The following CDH9 variants were observed in gnomAD, a reference collection of about 807,000 sequenced individuals.
The protein encoded by CDH9 is cadherin 9, also known as cadherin-9.
CDH9 carries 28 observed loss-of-function variants against 70.9 expected under a neutral mutation model. That is an observed-to-expected ratio of 0.40 (90% CI 0.29 to 0.54). CDH9 has a LOEUF of 0.54. CDH9 is among the 20% of genes least tolerant of loss of function. CDH9 has a pLI of 0.59. For synonymous variants in CDH9, 409 were observed against 343.1 expected, an observed-to-expected ratio of 1.19 and a Z score of -2.12; for missense variants, 874 against 984.4, an observed-to-expected ratio of 0.89 and a Z score of 1.50.
intron 2 of CDH9, among the ~76,000 whole-genome samples, chr5:26,925,730 G>A (rs1741325336): frequency 6.6e-6 from 1 of 152,038 alleles, no homozygotes; most frequent in Non-Finnish European, 1.5e-5. Flanking sequence ...TTTTGTATAA[G>A]GTGTAAGGAA....
At chr5:26,936,706 T>C (rs1157287212) in intron 2 of CDH9, among the ~76,000 whole-genome samples, 1 of 152,012 alleles carries the variant, frequency 6.6e-6, no homozygotes, top group Non-Finnish European at 1.5e-5. Context: ...AATAGATCAA[T>C]GAAACAGAAT....
intron 7 of CDH9, among the ~76,000 whole-genome samples, chr5:26,900,088 G>T (rs1433438214): frequency 6.6e-6 from 1 of 151,868 alleles, no homozygotes; most frequent in Non-Finnish European, 1.5e-5. Context: ...CAACTTAGAT[G>T]AGATTTACAA....
chr5:26,920,306 G>A (rs1379638618), intron 2 of CDH9, among the ~76,000 whole-genome samples: 1 of 151,656 alleles, frequency 6.6e-6, no homozygotes, highest in East Asian at 2.0e-4. Flanking sequence ...GGAAGACTGA[G>A]GGATTTTTTC....
chr5:26,925,323 G>C (rs982034407), intron 2 of CDH9, among the ~76,000 whole-genome samples: 1 of 152,026 alleles, frequency 6.6e-6, no homozygotes, highest in South Asian at 2.1e-4. Context: ...TTTTTCATGT[G>C]TCTGTTGGCT....
chr5:26,916,012 TA>T (rs1317375533), intron 2 of CDH9, 88 bp from the exon 3 acceptor site: 1 of 791,938 alleles, frequency 1.3e-6, no homozygotes, highest in Non-Finnish European at 2.0e-6. Flanking sequence ...TTCGTCTCCA[TA>T]TAACAGCTCT....
chr5:27,031,813 G>A (rs1166180410), intron 1 of CDH9, among the ~76,000 whole-genome samples: 2 of 151,812 alleles, frequency 1.3e-5, no homozygotes, highest in African/African-American at 2.4e-5. Context: ...TCTTCATTCT[G>A]TCATTTGGTC....
chr5:27,020,019 T>A (rs896034047), intron 1 of CDH9, among the ~76,000 whole-genome samples: 67 of 151,920 alleles, frequency 4.4e-4, no homozygotes, highest in African/African-American at 1.5e-3. Context: ...CTGGAACAGG[T>A]GATATTAACT....
At chr5:26,974,536 G>A (rs1742272856) in intron 2 of CDH9, among the ~76,000 whole-genome samples, 1 of 152,152 alleles carries the variant, frequency 6.6e-6, no homozygotes, top group African/African-American at 2.4e-5. Flanking sequence ...GTAAATGTGT[G>A]CCAGGCACTG....
At chr5:26,945,312 C>G (rs1395104820) in intron 2 of CDH9, among the ~76,000 whole-genome samples, 1 of 151,508 alleles carries the variant, frequency 6.6e-6, no homozygotes, top group African/African-American at 2.4e-5. Flanking sequence ...AGCTTTAACT[C>G]AAGAATTGTT....
intron 2 of CDH9, among the ~76,000 whole-genome samples, chr5:26,946,383 T>G (rs189360698): frequency 1.7e-4 from 26 of 152,276 alleles, no homozygotes; most frequent in African/African-American, 5.8e-4. Flanking sequence ...AACACTCTTT[T>G]GCTCAGACTG....
In CDH9 at chr5:27,033,039, T is replaced by C. The variant is rs183826057; in HGVS notation, c.-50+5424A>G. On this transcript the variant is annotated intron_variant, in intron 1 of 11. Transcript: ENST00000231021. ...ATAAATTTTGTGAGGTGTTCAAGAA[T>C]TGTGAACATTCAATAAAGAATAATT... Among the ~76,000 whole-genome samples, 35 of 151,220 alleles carry C rather than the reference T, an allele frequency of 2.3e-4. No individual in the cohort carries two copies. The East Asian group carries it at 6.7e-3, about 29-fold the overall frequency.
intron 1 of CDH9, among the ~76,000 whole-genome samples, chr5:27,025,510 G>GGAA (rs1743205941): frequency 6.6e-6 from 1 of 151,982 alleles, no homozygotes; most frequent in Non-Finnish European, 1.5e-5. Flanking sequence ...CAATAAAGAG[G>GGAA]GAAGAGAAGC....
intron 2 of CDH9, among the ~76,000 whole-genome samples, chr5:26,932,041 A>T (rs565701612): frequency 6.6e-6 from 1 of 152,348 alleles, no homozygotes; most frequent in East Asian, 1.9e-4. Context: ...CTAAAGTTTT[A>T]GATAAAATAT....
At chr5:26,940,123 ACTGCATACTAGCCTGGGT>A (rs1741634585) in intron 2 of CDH9, among the ~76,000 whole-genome samples, 2 of 151,320 alleles carry the variant, frequency 1.3e-5, no homozygotes, top group Admixed American at 1.3e-4. Flanking sequence ...AGATTGTGCC[ACTGCATACTAGCCTGGGT>A]GACAGAGCGA....
At chr5:27,035,190 T>TAC (rs987145240) in intron 1 of CDH9, among the ~76,000 whole-genome samples, 7 of 148,720 alleles carry the variant, frequency 4.7e-5, no homozygotes, top group Non-Finnish European at 1.0e-4. Flanking sequence ...TATATATATA[T>TAC]ATTTAACTTG....
chr5:27,014,216 T>A (rs1459717400), intron 1 of CDH9, among the ~76,000 whole-genome samples: 2 of 151,964 alleles, frequency 1.3e-5, no homozygotes, highest in Non-Finnish European at 2.9e-5. Context: ...TTACCCCCAC[T>A]TCCTGACAGT....
At chr5:26,988,866 C>T (rs1742534207) in intron 1 of CDH9, among the ~76,000 whole-genome samples, 1 of 152,004 alleles carries the variant, frequency 6.6e-6, no homozygotes, top group Non-Finnish European at 1.5e-5. Flanking sequence ...TTACAATCCT[C>T]CTCATCCATC....
At chr5:26,931,359 T>C (rs1222127688) in intron 2 of CDH9, among the ~76,000 whole-genome samples, 2 of 152,098 alleles carry the variant, frequency 1.3e-5, no homozygotes, top group African/African-American at 2.4e-5. Flanking sequence ...TTGTAAGAGT[T>C]TTGTTAACAT....
intron 2 of CDH9, among the ~76,000 whole-genome samples, chr5:26,974,345 G>GT (rs1428363637): frequency 7.0e-5 from 8 of 114,686 alleles, no homozygotes; most frequent in African/African-American, 2.5e-4. Context: ...CATGATAGGT[G>GT]CTTTTTTTTT....
Sources: allele counts gnomAD v4.1 joint callset (sites outside exome capture counted in the v4.1 genomes callset), GRCh38; gene constraint gnomAD v4.1.1; transcripts MANE v1.5; gene names NCBI Gene and HGNC (gene_info 2026-07-23, HGNC 2026-07-21).